KLF12: variants seen among roughly 807,000 people sequenced by gnomAD.
KLF12 encodes the protein KLF transcription factor 12.
KLF12 carries 9 observed loss-of-function variants against 37.8 expected under a neutral mutation model. The ratio of observed to expected loss-of-function variants is 0.24; its 90% CI spans 0.14 to 0.42. The LOEUF (loss-of-function observed/expected upper bound fraction) is 0.42, where lower values mean the gene tolerates loss of function less well. Among genes scored for constraint, KLF12 ranks in the 10% least tolerant of loss-of-function variants. The pLI is 1.00. For synonymous variants in KLF12, 208 were observed against 202.1 expected (o/e 1.03, Z -0.25); for missense variants, 411 against 516.0 (o/e 0.80, Z 1.97).
At position 73,695,297 on chromosome 13, in the gene KLF12, C is replaced by T. The variant is rs146806448; in HGVS notation, c.*193G>A. 1.2e-4 allele frequency: 68 copies of T among 567,702 alleles called. No individual in the cohort carries two copies. The highest frequency in any genetic ancestry group is 2.5e-4 in the Admixed American group (8 of 32,238). The allele number at this position is 567,702 out of a possible 1,614,324, so 35.2% of individuals were successfully genotyped here. On this transcript the variant is annotated 3_prime_UTR_variant, in exon 8 of 8. Coordinates refer to ENST00000377669, the MANE Select transcript of KLF12 (RefSeq NM_007249.5). ...CTGAGCTCCCAGGCCCGGGTAAAGA[C>T]GGTTCTCGTCTAGTCATGATGGGGG... is the stretch of plus-strand genomic sequence containing the variant.
intron 3 of KLF12, among the ~76,000 whole-genome samples, chr13:73,900,361 T>G (rs1887984129): frequency 6.6e-6 from 1 of 152,214 alleles, no homozygotes; most frequent in African/African-American, 2.4e-5. Context: ...TGCAAACTAC[T>G]TCCTTTAAAA....
rs141207160 is a variant in KLF12 at position 74,044,770 on chromosome 13, G to A, written c.-31-49717C>T. 1.9e-3 allele frequency among the ~76,000 whole-genome samples: 282 copies of A among 151,808 alleles called. 1 individual carries two copies. The highest frequency in any genetic ancestry group is 5.5e-3 in the African/African-American group (226 of 41,390). On this transcript the variant is annotated intron_variant, in intron 1 of 7. Transcript: ENST00000377669. Reference sequence around the variant, plus strand: ...TGAGGCAAGGGATTCGCTTGAACCCGGGAGGCAGAGGTTGCGGTAAGCCAA... The same window carrying A: ...TGAGGCAAGGGATTCGCTTGAACCCAGGAGGCAGAGGTTGCGGTAAGCCAA...
chr13:73,911,585 T>C (rs1223683832), intron 3 of KLF12, among the ~76,000 whole-genome samples: 1 of 152,238 alleles, frequency 6.6e-6, no homozygotes, highest in Non-Finnish European at 1.5e-5. Context: ...GTTTAGAAGT[T>C]CACAGAAAGG....
chr13:74,137,160 G>A (rs867724902), upstream of KLF12, among the ~76,000 whole-genome samples: 24 of 152,270 alleles, frequency 1.6e-4, no homozygotes, highest in Middle Eastern at 3.4e-3. Flanking sequence ...GCAAAGGTGC[G>A]GATTTTTAAT....
intron 3 of KLF12, among the ~76,000 whole-genome samples, chr13:73,889,195 A>G (rs1029487650): frequency 3.3e-5 from 5 of 152,182 alleles, no homozygotes; most frequent in Non-Finnish European, 7.4e-5. Flanking sequence ...TAGGCAGAAG[A>G]TATATGTACA....
chr13:73,771,870 A>C (rs953047199), intron 5 of KLF12, among the ~76,000 whole-genome samples: 1 of 152,244 alleles, frequency 6.6e-6, no homozygotes, highest in African/African-American at 2.4e-5. Context: ...AATAGGTACA[A>C]TTTTCATAGG....
chr13:73,984,790 C>T (rs760436428), intron 2 of KLF12, among the ~76,000 whole-genome samples: 22 of 152,314 alleles, frequency 1.4e-4, no homozygotes, highest in Non-Finnish European at 2.5e-4. Context: ...CAAAACGTTA[C>T]GGATTCCTCC....
the KLF12 span, among the ~76,000 whole-genome samples, chr13:74,165,013 C>A: frequency 1.3e-5 from 2 of 151,810 alleles, no homozygotes; most frequent in African/African-American, 2.4e-5. Context: ...CTACAGTCAA[C>A]AATAATTTAC....
At chr13:73,713,928 T>C (rs1277535946) in intron 7 of KLF12, among the ~76,000 whole-genome samples, 1 of 152,184 alleles carries the variant, frequency 6.6e-6, no homozygotes, top group African/African-American at 2.4e-5. Context: ...AAAACAGAAA[T>C]GCTCCTATAA....
the KLF12 span, among the ~76,000 whole-genome samples, chr13:74,241,853 G>C: frequency 0.22 from 33,422 of 151,882 alleles, 6,308 homozygotes; most frequent in African/African-American, 0.51. Context: ...CTGGCACTCC[G>C]TAGTGAGATG....
intron 5 of KLF12, among the ~76,000 whole-genome samples, chr13:73,795,695 C>T (rs376444889): frequency 6.6e-6 from 1 of 152,052 alleles, no homozygotes; most frequent in South Asian, 2.1e-4. Context: ...CTTGTTTTTC[C>T]AAATGATAAG....
chr13:73,718,345 A>C (rs1566316615), intron 6 of KLF12, among the ~76,000 whole-genome samples: 1 of 152,228 alleles, frequency 6.6e-6, no homozygotes, highest in Non-Finnish European at 1.5e-5. Context: ...CAGGCAGAGA[A>C]ACAAAAACAA....
intron 2 of KLF12, among the ~76,000 whole-genome samples, chr13:73,968,678 A>G (rs930740282): frequency 2.6e-5 from 4 of 152,258 alleles, no homozygotes; most frequent in African/African-American, 7.2e-5. Context: ...AAGACACAGT[A>G]GAAATGTAAA....
chr13:73,848,185 C>A (rs17284920), intron 3 of KLF12, among the ~76,000 whole-genome samples: 2,139 of 152,182 alleles, frequency 0.014, 31 homozygotes, highest in Non-Finnish European at 0.023. Flanking sequence ...AATTTTTCTC[C>A]TCCTGTCTAC....
At chr13:74,033,495 G>A (rs1231037267) in intron 1 of KLF12, among the ~76,000 whole-genome samples, 1 of 152,148 alleles carries the variant, frequency 6.6e-6, no homozygotes, top group Non-Finnish European at 1.5e-5. Context: ...AAAGCACTTA[G>A]CCTAGTATCT....
At chr13:73,915,807 C>T (rs968213188) in intron 3 of KLF12, among the ~76,000 whole-genome samples, 11 of 150,260 alleles carry the variant, frequency 7.3e-5, no homozygotes, top group African/African-American at 2.5e-4. Context: ...GCTGGGATTA[C>T]AGGCGTGAGC....
At chr13:74,205,671 G>A in the KLF12 span, among the ~76,000 whole-genome samples, 1 of 152,136 alleles carries the variant, frequency 6.6e-6, no homozygotes, top group South Asian at 2.1e-4. Context: ...CACAGAGGAA[G>A]GACTAGGCTG....
At chr13:73,708,629 T>TAAA (rs1246291260) in intron 7 of KLF12, among the ~76,000 whole-genome samples, 1 of 152,158 alleles carries the variant, frequency 6.6e-6, no homozygotes, top group Non-Finnish European at 1.5e-5. Flanking sequence ...TTGCTTTTAC[T>TAAA]GCATTGTAGA....
chr13:74,049,280 C>T (rs1280114988), intron 1 of KLF12, among the ~76,000 whole-genome samples: 1 of 152,208 alleles, frequency 6.6e-6, no homozygotes, highest in Non-Finnish European at 1.5e-5. Context: ...ATTCAAATTG[C>T]AAACTGCTGG....
Sources: gnomAD v4.1 joint callset for allele counts (sites outside exome capture counted in the v4.1 genomes callset) on GRCh38, gnomAD v4.1.1 for gene constraint, MANE v1.5 for transcripts, NCBI Gene and HGNC (gene_info 2026-07-23, HGNC 2026-07-21) for gene names.